Variants in ANO3 observed in about 807,000 individuals in gnomAD.
ANO3 encodes anoctamin-3.
A neutral mutation model predicts 144.8 loss-of-function variants in ANO3; 99 were observed. The observed-to-expected ratio is 0.68, with a 90% CI of 0.58 to 0.81. The LOEUF (loss-of-function observed/expected upper bound fraction) is 0.81, where lower values mean the gene tolerates loss of function less well. ANO3 is among the 30% of genes least tolerant of loss of function. The pLI is 0.00. For missense variants in ANO3, 905 were observed against 1,202.2 expected (o/e 0.75, Z 3.66); for synonymous variants, 414 against 392.6 (o/e 1.05, Z -0.64).
chr11:26,211,035 C>A (rs1205380406), intron 1 of ANO3, among the ~76,000 whole-genome samples: 1 of 152,054 alleles, frequency 6.6e-6, no homozygotes, highest in African/African-American at 2.4e-5. Context: ...ACTCTCCACC[C>A]CAAATCAATG....
chr11:26,537,479 T>TTTCCGCTTTATAAACAAGGTTTTCA lies in ANO3; in HGVS notation c.1032+20_1032+44dup. The TTTCCGCTTTATAAACAAGGTTTTCA allele has an allele frequency of 6.2e-7, 1 of 1,605,324 alleles. No homozygotes were observed. Among genetic ancestry groups the TTTCCGCTTTATAAACAAGGTTTTCA allele is most frequent in the Non-Finnish European group, 8.5e-7 (1 of 1,171,982 alleles). ...CACATGAGGTAATTTTGAAATACAG[T>TTTCCGCTTTATAAACAAGGTTTTCA]TTCCGCTTTATAAACAAGGTTTTCA... On this transcript the variant is annotated intron_variant, in intron 10 of 26. Transcript: ENST00000256737.
At chr11:26,342,802 A>G (rs1051083350) in intron 1 of ANO3, among the ~76,000 whole-genome samples, 1 of 152,130 alleles carries the variant, frequency 6.6e-6, no homozygotes, top group African/African-American at 2.4e-5. Context: ...TGGTTTCACC[A>G]TTTCACACTT....
chr11:26,310,104 CT>C (rs1360099222), intron 1 of ANO3, among the ~76,000 whole-genome samples: 1 of 152,064 alleles, frequency 6.6e-6, no homozygotes, highest in African/African-American at 2.4e-5. Flanking sequence ...ACATTACATA[CT>C]TTTAAAAAAG....
intron 1 of ANO3, among the ~76,000 whole-genome samples, chr11:26,439,972 A>G (rs1480482828): frequency 6.6e-6 from 1 of 152,228 alleles, no homozygotes; most frequent in East Asian, 1.9e-4. Context: ...CAAAGTGAAT[A>G]AATAAAGGCA....
At chr11:26,647,629 A>G (rs887640346) in intron 23 of ANO3, 80 bp from the exon 24 acceptor site, 2 of 1,388,212 alleles carry the variant, frequency 1.4e-6, no homozygotes, top group East Asian at 2.3e-5. Flanking sequence ...TAAGTAAAAC[A>G]TTATTTCCAA....
At chr11:26,273,323 A>G (rs1853487432) in intron 1 of ANO3, among the ~76,000 whole-genome samples, 1 of 150,378 alleles carries the variant, frequency 6.6e-6, no homozygotes, top group Non-Finnish European at 1.5e-5. Context: ...ATTTGCCCCC[A>G]TACACAATGT....
chr11:26,435,545 T>G (rs1858264250), intron 1 of ANO3, among the ~76,000 whole-genome samples: 1 of 152,226 alleles, frequency 6.6e-6, no homozygotes, highest in African/African-American at 2.4e-5. Flanking sequence ...GATTCATAGA[T>G]TTGGTCTCTT....
intron 14 of ANO3, among the ~76,000 whole-genome samples, chr11:26,564,475 CA>C (rs1850436994): frequency 6.7e-6 from 1 of 149,042 alleles, no homozygotes; most frequent in African/African-American, 2.5e-5. Context: ...CCTCAAAAAA[CA>C]AAACAAGAAT....
At chr11:26,571,115 C>T (rs1459231062) in intron 14 of ANO3, among the ~76,000 whole-genome samples, 1 of 152,002 alleles carries the variant, frequency 6.6e-6, no homozygotes, top group Non-Finnish European at 1.5e-5. Flanking sequence ...TGACCTGCTA[C>T]CTTGGGAGTT....
Position 26,534,513 on chromosome 11 carries a change from C to G in ANO3, c.927C>G (p.Val309=). Residue 309 remains valine, a synonymous_variant, in exon 9 of 27, where the codon GTC becomes GTG. Transcript: ENST00000256737. ...FFSNATRSRI[V]YHMLERTKYE... is the part of the protein sequence containing the mutation. ...GCAATGCTACTCGAAGCAGAATAGT[C>G]TATCACATGCTGGAACGCACCAAAT... 6.2e-7 allele frequency: 1 copy of G among 1,613,000 alleles called. No homozygotes were observed. The highest frequency in any genetic ancestry group is 8.5e-7 in the Non-Finnish European group (1 of 1,179,400).
intron 14 of ANO3, chr11:26,565,104 G>T (rs1850513134): frequency 6.9e-7 from 1 of 1,454,648 alleles, no homozygotes; most frequent in Non-Finnish European, 9.2e-7. Flanking sequence ...GACTTACTCT[G>T]CATGACTTAT....
chr11:26,362,942 T>C (rs1330793787), intron 1 of ANO3, among the ~76,000 whole-genome samples: 2 of 152,176 alleles, frequency 1.3e-5, no homozygotes, highest in African/African-American at 4.8e-5. Context: ...TATAGGTCAA[T>C]TGGTGAAATC....
intron 1 of ANO3, among the ~76,000 whole-genome samples, chr11:26,300,873 A>C (rs1272121752): frequency 1.1e-5 from 1 of 89,820 alleles, no homozygotes; most frequent in African/African-American, 5.4e-5. Context: ...TTTTTTTTTG[A>C]GGTGGAGTCT....
intron 1 of ANO3, among the ~76,000 whole-genome samples, chr11:26,350,318 T>A (rs1249990703): frequency 6.6e-6 from 1 of 152,134 alleles, no homozygotes; most frequent in Admixed American, 6.5e-5. Flanking sequence ...GGCTGGGACC[T>A]ATTAGAGACT....
rs780149272 is a variant in ANO3, at chr11:26,635,089, G to C, written c.2043+19G>C. On this transcript the variant is annotated intron_variant, in intron 20 of 26. Coordinates refer to ENST00000256737, the MANE Select transcript of ANO3 (RefSeq NM_031418.4). ...GGAGGAAGTAAGTAACTTTGGGAGT[G>C]TGGGTGCAGGAATGGGCATGGATAT... The C allele has an allele frequency of 6.2e-7, 1 of 1,611,492 alleles. No homozygotes were observed. Among genetic ancestry groups the C allele is most frequent in the South Asian group, 1.1e-5 (1 of 90,806 alleles).
At chr11:26,479,125 A>AT (rs749634310) in intron 4 of ANO3, among the ~76,000 whole-genome samples, 19 of 152,160 alleles carry the variant, frequency 1.2e-4, no homozygotes, top group Admixed American at 2.6e-4. Context: ...CTCCATTTGG[A>AT]TTTTCAGAAC....
intron 4 of ANO3, among the ~76,000 whole-genome samples, chr11:26,479,891 A>C (rs1339731783): frequency 5.9e-5 from 9 of 152,188 alleles, no homozygotes; most frequent in Admixed American, 5.2e-4. Context: ...TTTTGTATCA[A>C]TCATGCAACA....
intron 18 of ANO3, among the ~76,000 whole-genome samples, chr11:26,628,050 T>C (rs73436313): frequency 3.4e-4 from 52 of 152,346 alleles, no homozygotes; most frequent in African/African-American, 1.2e-3. Flanking sequence ...GCTTAAATTC[T>C]ATTACATTTG....
intron 1 of ANO3, among the ~76,000 whole-genome samples, chr11:26,349,938 T>C (rs1042996845): frequency 2.6e-5 from 4 of 152,154 alleles, no homozygotes; most frequent in South Asian, 2.1e-4. Flanking sequence ...AACTGAAGGC[T>C]GAGTACAGTG....
Sources: allele counts gnomAD v4.1 joint callset (sites outside exome capture counted in the v4.1 genomes callset), GRCh38; gene constraint gnomAD v4.1.1; transcripts MANE v1.5; gene names NCBI Gene and HGNC (gene_info 2026-07-23, HGNC 2026-07-21).